The following NPHP4 variants were observed in gnomAD, a reference collection of about 807,000 sequenced individuals.
NPHP4 encodes nephrocystin 4, also known as nephrocystin-4.
In NPHP4, 151 loss-of-function variants were observed where a neutral mutation model predicts 155.8. That is an observed-to-expected ratio of 0.97 (90% confidence interval 0.85 to 1.11). The LOEUF is 1.11. Among genes scored for constraint, NPHP4 ranks in the 50% least tolerant of loss-of-function variants. NPHP4 has a pLI of 0.00. For missense variants in NPHP4, 1,956 were observed against 1,925.7 expected (o/e 1.02, Z -0.29); for synonymous variants, 845 against 816.8 (o/e 1.03, Z -0.59).
At chr1:5,943,180 C>T (rs1474723247) in intron 9 of NPHP4, among the ~76,000 whole-genome samples, 2 of 152,180 alleles carry the variant, frequency 1.3e-5, no homozygotes, top group Non-Finnish European at 2.9e-5. Flanking sequence ...CTAACCCAAA[C>T]ATAAATTACA....
intron 20 of NPHP4, 42 bp downstream of exon 20, chr1:5,877,051 G>T (rs562583315): frequency 5.3e-5 from 69 of 1,297,978 alleles, no homozygotes; most frequent in Non-Finnish European, 6.6e-5. Flanking sequence ...GACTCAGTCT[G>T]CATGGAGATC....
chr1:5,864,917 C>T, intron 27 of NPHP4, 185 bp downstream of exon 27: 1 of 613,380 alleles, frequency 1.6e-6, no homozygotes. Context: ...GTACGTCACT[C>T]ACCCCACAAT....
chr1:5,875,459 C>T (rs1642491907), intron 20 of NPHP4, among the ~76,000 whole-genome samples: 2 of 152,220 alleles, frequency 1.3e-5, no homozygotes, highest in Admixed American at 1.3e-4. Context: ...TGGTGACAGG[C>T]CTCACCAGCC....
intron 11 of NPHP4, among the ~76,000 whole-genome samples, chr1:5,916,246 A>T (rs1477789022): frequency 1.3e-5 from 2 of 152,206 alleles, no homozygotes; most frequent in African/African-American, 4.8e-5. Context: ...TTACAGAGAA[A>T]ATAAAAAGGA....
Position 5,969,787 on chromosome 1 carries a change from C to T in NPHP4, c.280-528G>A, listed in dbSNP as rs565243184. ...CACACCTTCCCAGTGCTGCTTCGTG[C>T]GTAACCATTTTGAGTTCCATCTGAA... On this transcript the variant is annotated intron_variant, in intron 3 of 29. Transcript: ENST00000378156. Among the ~76,000 whole-genome samples, 13 of 152,298 alleles carry T rather than the reference C, an allele frequency of 8.5e-5. No homozygotes were observed. The South Asian group carries it at 2.5e-3, about 29-fold the overall frequency.
In NPHP4 at chr1:5,940,839, G is replaced by A. The variant is rs1311608988; in HGVS notation, c.1119+6265C>T. ...GAAAGACATCCTGTTCTTGGTTAGG[G>A]CAACTAAACATCCTTGAGATGTAAA... On this transcript the variant is annotated intron_variant, in intron 9 of 29. Coordinates refer to ENST00000378156, the MANE Select transcript of NPHP4 (RefSeq NM_015102.5). Among the ~76,000 whole-genome samples the A allele has an allele frequency of 2.0e-5, 3 of 152,224 alleles. No individual in the cohort carries two copies. In the East Asian group the frequency reaches 5.8e-4, roughly 29 times the overall value.
intron 16 of NPHP4, among the ~76,000 whole-genome samples, chr1:5,899,507 G>A (rs1392389157): frequency 2.0e-5 from 3 of 152,252 alleles, no homozygotes; most frequent in Admixed American, 1.3e-4. Flanking sequence ...GTGAAGGACT[G>A]CGGTGAGGGA....
Position 5,944,086 on chromosome 1 carries a change from T to C in NPHP4, c.1119+3018A>G, listed in dbSNP as rs1027522809. Among the ~76,000 whole-genome samples the C allele has an allele frequency of 1.3e-5, 2 of 151,976 alleles. No homozygotes were observed. The highest frequency in any genetic ancestry group is 2.4e-5 in the African/African-American group (1 of 41,368). Reference sequence around the variant, plus strand: ...CAAAAGGTTTACAGATGAAATAAAATGATGCCTGGAATTTGTTTCAGAATA... The same window carrying C: ...CAAAAGGTTTACAGATGAAATAAAACGATGCCTGGAATTTGTTTCAGAATA... On this transcript the variant is annotated intron_variant, in intron 9 of 29. Transcript: ENST00000378156. This position sits in a 1 kb window ranked among gnomAD's most constrained non-coding sequence, Gnocchi z 4.3.
At chr1:5,990,141 C>T (rs1314251658) in intron 1 of NPHP4, among the ~76,000 whole-genome samples, 1 of 152,202 alleles carries the variant, frequency 6.6e-6, no homozygotes, top group South Asian at 2.1e-4. Context: ...TCTGCTCTGG[C>T]CTCTAGGAGT....
chr1:5,969,026 C>CA (rs34702999), intron 4 of NPHP4, 61 bp downstream of exon 4: 13,365 of 938,136 alleles, frequency 0.014, no homozygotes, highest in Middle Eastern at 0.016. Flanking sequence ...GAATCTGTCT[C>CA]AAAAAAAAAA....
chr1:5,988,683 C>G (rs1247509566), intron 1 of NPHP4, among the ~76,000 whole-genome samples: 1 of 152,202 alleles, frequency 6.6e-6, no homozygotes, highest in African/African-American at 2.4e-5. Context: ...AATGGTTCAC[C>G]CCCTGCATGC....
chr1:5,939,746 TAC>T (rs1377999776), intron 9 of NPHP4, among the ~76,000 whole-genome samples: 1 of 152,160 alleles, frequency 6.6e-6, no homozygotes. Flanking sequence ...TGCCAGTGAC[TAC>T]ACCAGGGAAG....
chr1:5,883,786 G>A (rs1643523808), intron 18 of NPHP4, among the ~76,000 whole-genome samples: 1 of 152,226 alleles, frequency 6.6e-6, no homozygotes, highest in African/African-American at 2.4e-5. Context: ...ACATCTGACT[G>A]AAGTGGGCAC....
Position 5,935,202 on chromosome 1 carries a change from G to A in NPHP4, c.1120-1873C>T, listed in dbSNP as rs780898711. On this transcript the variant is annotated intron_variant, in intron 9 of 29. Transcript: ENST00000378156. The stretch of plus-strand genomic sequence containing the variant: ...TATATCCTAATAAAAATTTAGAATC[G>A]GCATCTTGTTTCACATTAATCTCTT... Among the ~76,000 whole-genome samples the A allele has an allele frequency of 4.6e-5, 7 of 152,252 alleles. No homozygotes were observed. The East Asian group carries it at 1.2e-3, about 25-fold the overall frequency.
At chr1:5,923,314 G>C (rs964571157) in intron 11 of NPHP4, among the ~76,000 whole-genome samples, 6 of 152,196 alleles carry the variant, frequency 3.9e-5, no homozygotes, top group Non-Finnish European at 8.8e-5. Flanking sequence ...AAAATATGTA[G>C]AACAGTGGTT....
chr1:5,978,310 T>C lies in NPHP4; in HGVS notation c.239A>G (p.Lys80Arg). The C allele has an allele frequency of 6.2e-7, 1 of 1,609,414 alleles. No homozygotes were observed. ...FFGRTWKTTV[K>R]PTKRPPSRIV... ...CCTGGACGGCGGTCTCTTCGTCGGC[T>C]TCACTGTGGTTTTCCACGTCCTCCC... The change falls in exon 3 of 30, where the codon AAG (lysine) becomes AGG (arginine). Residue 80 changes from lysine (K) to arginine (R), a missense_variant. Lys to Arg is a conservative substitution (Grantham distance 26). Coordinates refer to ENST00000378156, the MANE Select transcript of NPHP4 (RefSeq NM_015102.5).
chr1:5,991,166 A>G (rs928388597), intron 1 of NPHP4, among the ~76,000 whole-genome samples: 2 of 152,118 alleles, frequency 1.3e-5, no homozygotes, highest in African/African-American at 4.8e-5. Context: ...CTTTTGGGGA[A>G]GCAGAGGTCT....
At position 5,867,386 on chromosome 1, in the gene NPHP4, TC is replaced by T; in HGVS notation, c.3473-272del. ...GGGGCCACAAAAAAGAAAACACAGC[TC>T]CCTGGAGCAGGGAAGCCTGCACTCT... On this transcript the variant is annotated intron_variant, in intron 24 of 29. Transcript: ENST00000378156. The surrounding 1 kb of genome is among the most constrained non-coding windows in gnomAD (Gnocchi z 4.1). 3.7e-6 allele frequency: 2 copies of T among 537,298 alleles called. No individual in the cohort carries two copies. Among genetic ancestry groups the T allele is most frequent in the Non-Finnish European group, 6.6e-6 (2 of 302,752 alleles). 33.3% of individuals were successfully genotyped at this position (537,298 alleles called of 1,614,324 possible). A position where few individuals can be genotyped will look rare whatever the true frequency, so the allele number is the denominator to read the frequency against.
At position 5,920,642 on chromosome 1, in the gene NPHP4, A is replaced by G. The variant is rs191596279; in HGVS notation, c.1441+7007T>C. On this transcript the variant is annotated intron_variant, in intron 11 of 29. Coordinates refer to ENST00000378156, the MANE Select transcript of NPHP4 (RefSeq NM_015102.5). ...CTTTACTCATTTCATCCTCCCCCCA[A>G]TCCTTGGCTATCCTTTGCCCATTTT... is the stretch of plus-strand genomic sequence containing the variant. 4.2e-3 allele frequency among the ~76,000 whole-genome samples: 642 copies of G among 152,218 alleles called. 5 individuals are homozygous for G. Among genetic ancestry groups the G allele is most frequent in the African/African-American group, 0.014 (595 of 41,520 alleles).
Sources: gnomAD v4.1 joint callset for allele counts (sites outside exome capture counted in the v4.1 genomes callset) on GRCh38, gnomAD v4.1.1 for gene constraint, Gnocchi (gnomAD v3.1) non-coding constraint, MANE v1.5 for transcripts, NCBI Gene and HGNC (gene_info 2026-07-23, HGNC 2026-07-21) for gene names.